The following CNIH3 variants were observed in gnomAD, a reference collection of about 807,000 sequenced individuals.
CNIH3 encodes the protein cornichon family AMPA receptor auxiliary protein 3.
A neutral mutation model predicts 24.1 loss-of-function variants in CNIH3; 14 were observed. That is an observed-to-expected ratio of 0.58 (90% confidence interval 0.38 to 0.91). CNIH3 has a LOEUF of 0.91. Among genes scored for constraint, CNIH3 ranks in the 40% least tolerant of loss-of-function variants. The pLI is 0.00. For synonymous variants in CNIH3, 68 were observed against 73.8 expected (o/e 0.92, Z 0.40); for missense variants, 178 against 196.8 (o/e 0.90, Z 0.57).
intron 4 of CNIH3, among the ~76,000 whole-genome samples, chr1:224,578,589 A>G (rs1183670395): frequency 1.3e-5 from 2 of 152,134 alleles, no homozygotes; most frequent in East Asian, 1.9e-4. Flanking sequence ...TGTAGGTACT[A>G]GTACCTAGTA....
intron 1 of CNIH3, among the ~76,000 whole-genome samples, chr1:224,444,221 A>G (rs964684010): frequency 7.9e-5 from 12 of 152,186 alleles, no homozygotes; most frequent in African/African-American, 2.4e-5. Flanking sequence ...CCTTAATACC[A>G]TCATCACACC....
At chr1:224,653,390 C>G (rs1042787347) in intron 1 of CNIH3, among the ~76,000 whole-genome samples, 25 of 148,264 alleles carry the variant, frequency 1.7e-4, no homozygotes, top group African/African-American at 6.3e-4. Flanking sequence ...CCATTGCACT[C>G]CAGCCTGGGC....
At chr1:224,597,753 T>A (rs1408344705) in intron 3 of CNIH3, among the ~76,000 whole-genome samples, 1 of 152,216 alleles carries the variant, frequency 6.6e-6, no homozygotes, top group Non-Finnish European at 1.5e-5. Flanking sequence ...AATAAGAGTT[T>A]CCATGAGTTC....
At chr1:224,599,878 A>G (rs1487640094) in intron 3 of CNIH3, among the ~76,000 whole-genome samples, 1 of 152,232 alleles carries the variant, frequency 6.6e-6, no homozygotes, top group Non-Finnish European at 1.5e-5. Flanking sequence ...AAGTTATGTT[A>G]AAATGAATAT....
chr1:224,659,129 G>A (rs1281450570), intron 1 of CNIH3, among the ~76,000 whole-genome samples: 2 of 152,100 alleles, frequency 1.3e-5, no homozygotes, highest in Non-Finnish European at 2.9e-5. Context: ...GGGCCAAGAG[G>A]GATTGAATAG....
At chr1:224,650,934 G>A (rs1005234981) in intron 1 of CNIH3, among the ~76,000 whole-genome samples, 9 of 152,132 alleles carry the variant, frequency 5.9e-5, no homozygotes, top group East Asian at 1.9e-4. Flanking sequence ...GGTGCTCAGC[G>A]TGGACACTGG....
chr1:224,669,263 G>A (rs1685747739), intron 1 of CNIH3, among the ~76,000 whole-genome samples: 1 of 152,176 alleles, frequency 6.6e-6, no homozygotes, highest in Non-Finnish European at 1.5e-5. Context: ...AACCAGGGAA[G>A]CTATGTCAGA....
chr1:224,508,504 T>C (rs1678007703), intron 1 of CNIH3, among the ~76,000 whole-genome samples: 1 of 152,244 alleles, frequency 6.6e-6, no homozygotes, highest in Admixed American at 6.5e-5. Flanking sequence ...CCATTAGTTA[T>C]ACCCTGTGCA....
intron 1 of CNIH3, among the ~76,000 whole-genome samples, chr1:224,623,987 C>G (rs1415083153): frequency 6.6e-6 from 1 of 152,224 alleles, no homozygotes; most frequent in Non-Finnish European, 1.5e-5. Context: ...GCCGTCACCT[C>G]TTTGGATTCT....
At chr1:224,554,865 G>A (rs1040363987) in intron 3 of CNIH3, among the ~76,000 whole-genome samples, 3 of 152,108 alleles carry the variant, frequency 2.0e-5, no homozygotes, top group African/African-American at 7.2e-5. Flanking sequence ...GGGATTACTG[G>A]CATGAGTCAC....
intron 1 of CNIH3, among the ~76,000 whole-genome samples, chr1:224,462,328 T>A (rs376724006): frequency 2.0e-5 from 3 of 152,114 alleles, no homozygotes; most frequent in African/African-American, 4.8e-5. Context: ...AAAAATCCTG[T>A]TATGTTTAAA....
intron 3 of CNIH3, among the ~76,000 whole-genome samples, chr1:224,599,166 T>C (rs542907901): frequency 2.6e-5 from 4 of 152,192 alleles, no homozygotes; most frequent in Non-Finnish European, 5.9e-5. Flanking sequence ...CACCCTTTAT[T>C]TGCTTATAAT....
chr1:224,587,715 G>A (rs1195641571), intron 5 of CNIH3, among the ~76,000 whole-genome samples: 1 of 152,098 alleles, frequency 6.6e-6, no homozygotes, highest in African/African-American at 2.4e-5. Context: ...AAGGTGGGAG[G>A]ATCCCTTGAG....
intron 3 of CNIH3, among the ~76,000 whole-genome samples, chr1:224,686,619 G>T (rs1163814287): frequency 6.6e-6 from 1 of 152,182 alleles, no homozygotes; most frequent in African/African-American, 2.4e-5. Flanking sequence ...CAAAACCAAA[G>T]TTTTGCCTTT....
At chr1:224,523,232 C>G (rs576752037) in intron 2 of CNIH3, among the ~76,000 whole-genome samples, 65 of 150,994 alleles carry the variant, frequency 4.3e-4, no homozygotes, top group Admixed American at 2.0e-3. Flanking sequence ...GAGAGGGACC[C>G]TGTCTCAAAA....
At chr1:224,460,113 G>C (rs1326835726) in intron 1 of CNIH3, among the ~76,000 whole-genome samples, 1 of 152,010 alleles carries the variant, frequency 6.6e-6, no homozygotes, top group Non-Finnish European at 1.5e-5. Context: ...CTGAGCTTAA[G>C]ACCAGGTTGC....
chr1:224,643,091 G>A (rs891344214), intron 1 of CNIH3, among the ~76,000 whole-genome samples: 1 of 152,192 alleles, frequency 6.6e-6, no homozygotes, highest in Non-Finnish European at 1.5e-5. Flanking sequence ...CCTTGTTGAT[G>A]GTCGAGGCGT....
chr1:224,637,034 C>G (rs2125086708), intron 1 of CNIH3, among the ~76,000 whole-genome samples: 1 of 151,682 alleles, frequency 6.6e-6, no homozygotes, highest in African/African-American at 2.4e-5. Flanking sequence ...TCACTGCAAC[C>G]TCCGCCTCCC....
chr1:224,732,507 C>G (rs1401130514), intron 4 of CNIH3, among the ~76,000 whole-genome samples: 4 of 152,156 alleles, frequency 2.6e-5, no homozygotes, highest in Non-Finnish European at 5.9e-5. Context: ...CATGGGGACA[C>G]AGAGACTCAC....
Sources: gnomAD v4.1 joint callset for allele counts (sites outside exome capture counted in the v4.1 genomes callset) on GRCh38, gnomAD v4.1.1 for gene constraint, MANE v1.5 for transcripts, NCBI Gene and HGNC (gene_info 2026-07-23, HGNC 2026-07-21) for gene names.